The following LIMS1 variants were observed in gnomAD, a reference collection of about 807,000 sequenced individuals.
LIMS1 encodes LIM and senescent cell antigen-like-containing domain protein 1.
LIMS1 carries 18 observed loss-of-function variants against 44.1 expected under a neutral mutation model. That is an observed-to-expected ratio of 0.41 (90% confidence interval 0.28 to 0.61). The LOEUF (loss-of-function observed/expected upper bound fraction) is 0.61, where lower values mean the gene tolerates loss of function less well. LIMS1 is among the 20% of genes least tolerant of loss of function. The pLI, the probability that LIMS1 is intolerant of heterozygous loss-of-function variation, is 0.32. For synonymous variants in LIMS1, 93 were observed against 149.1 expected (o/e 0.62, Z 2.74); for missense variants, 201 against 422.0 (o/e 0.48, Z 4.59).
intron 1 of LIMS1, among the ~76,000 whole-genome samples, chr2:108,578,166 C>A (rs530143432): frequency 6.6e-6 from 1 of 152,214 alleles, no homozygotes; most frequent in African/African-American, 2.4e-5. Flanking sequence ...GCCTTGGCCT[C>A]CCAAAGTGCT....
At chr2:108,637,584 G>A (rs918451018) in intron 1 of LIMS1, among the ~76,000 whole-genome samples, 12 of 152,192 alleles carry the variant, frequency 7.9e-5, no homozygotes, top group South Asian at 2.1e-4. Flanking sequence ...TGATCTGGGC[G>A]TTCTCCTAAG....
chr2:108,569,909 G>GT (rs1443641334), intron 1 of LIMS1, among the ~76,000 whole-genome samples: 1 of 151,624 alleles, frequency 6.6e-6, no homozygotes, highest in Non-Finnish European at 1.5e-5. Flanking sequence ...CCATCATGCT[G>GT]TTTTTTAAGG....
intron 2 of LIMS1, among the ~76,000 whole-genome samples, chr2:108,663,153 G>A (rs1233350771): frequency 2.6e-5 from 4 of 151,586 alleles, no homozygotes; most frequent in South Asian, 2.1e-4. Flanking sequence ...GGGTCTTACC[G>A]TGTTACCCAG....
At chr2:108,661,847 T>G (rs1053963758) in intron 2 of LIMS1, among the ~76,000 whole-genome samples, 1 of 152,168 alleles carries the variant, frequency 6.6e-6, no homozygotes, top group Non-Finnish European at 1.5e-5. Context: ...GAGCATGGTC[T>G]TCTCACTATA....
At chr2:108,637,099 A>ATGTATG (rs1553463996) in intron 1 of LIMS1, among the ~76,000 whole-genome samples, 3 of 98,528 alleles carry the variant, frequency 3.0e-5, no homozygotes, top group African/African-American at 9.7e-5. Flanking sequence ...ATATACATAT[A>ATGTATG]TGTGTGTGTG....
chr2:108,540,856 T>C (rs1261695841), intron 1 of LIMS1, among the ~76,000 whole-genome samples: 1 of 152,188 alleles, frequency 6.6e-6, no homozygotes, highest in Non-Finnish European at 1.5e-5. Context: ...CTATATTACG[T>C]TGGTTTGCTC....
chr2:108,602,522 A>G (rs772891444), intron 1 of LIMS1, among the ~76,000 whole-genome samples: 1 of 152,208 alleles, frequency 6.6e-6, no homozygotes, highest in East Asian at 1.9e-4. Flanking sequence ...ATTTTATCAA[A>G]TGCTTTTTTA....
chr2:108,610,180 GTGTGTGTGTGTGTGTAT>G (rs1687522068), intron 1 of LIMS1, among the ~76,000 whole-genome samples: 1 of 102,686 alleles, frequency 9.7e-6, no homozygotes, highest in Non-Finnish European at 2.2e-5. Flanking sequence ...GTGTGTGTGT[GTGTGTGTGTGTGTGTAT>G]TATTATAAAA....
intron 1 of LIMS1, among the ~76,000 whole-genome samples, chr2:108,590,573 A>T (rs906850093): frequency 5.3e-5 from 8 of 151,088 alleles, no homozygotes; most frequent in Non-Finnish European, 1.0e-4. Context: ...CTAACCAAAA[A>T]GAGCGGGGAA....
intron 1 of LIMS1, among the ~76,000 whole-genome samples, chr2:108,632,043 C>T (rs1346257230): frequency 6.6e-6 from 1 of 152,200 alleles, no homozygotes; most frequent in Non-Finnish European, 1.5e-5. Flanking sequence ...GCAATCTTGG[C>T]TCACTGTAAC....
intron 1 of LIMS1, among the ~76,000 whole-genome samples, chr2:108,584,691 G>A (rs1398187085): frequency 6.6e-6 from 1 of 152,134 alleles, no homozygotes; most frequent in Non-Finnish European, 1.5e-5. Context: ...CAGGTTTTCT[G>A]AGTTGTTTGA....
intron 9 of LIMS1, among the ~76,000 whole-genome samples, chr2:108,683,642 G>A (rs908489814): frequency 8.6e-5 from 13 of 151,180 alleles, no homozygotes; most frequent in African/African-American, 2.9e-4. Flanking sequence ...TCTACAGTCT[G>A]TGTTACACAG....
intron 1 of LIMS1, among the ~76,000 whole-genome samples, chr2:108,536,830 G>C (rs1030064407): frequency 6.6e-6 from 1 of 152,106 alleles, no homozygotes; most frequent in African/African-American, 2.4e-5. Flanking sequence ...GGTTCCAGCA[G>C]TCCACCCACC....
At chr2:108,565,392 CTT>C (rs1266696288) in intron 1 of LIMS1, among the ~76,000 whole-genome samples, 4 of 152,100 alleles carry the variant, frequency 2.6e-5, no homozygotes, top group African/African-American at 9.7e-5. Flanking sequence ...TTAAGTAACT[CTT>C]TTCTATCTTA....
rs1353344977 is a variant in LIMS1, at chr2:108,681,297, A to G, written c.899+527A>G. ...TCCTATGTAGAACTGGTCCTTTTGC[A>G]TAACTGCTAAAATTACAAAAATTAA... is the stretch of plus-strand genomic sequence containing the variant. On this transcript the variant is annotated intron_variant, in intron 9 of 9. Coordinates refer to ENST00000544547, the Ensembl canonical transcript of LIMS1. The G allele has an allele frequency of 1.1e-5, 11 of 985,216 alleles. No homozygotes were observed. In the South Asian group the frequency reaches 4.2e-4, roughly 38 times the overall value. The allele number at this position is 985,216 out of a possible 1,614,324, so 61.0% of individuals were successfully genotyped here. A position where few individuals can be genotyped will look rare whatever the true frequency, so the allele number is the denominator to read the frequency against.
chr2:108,639,486 T>A (rs1363572831), intron 1 of LIMS1, among the ~76,000 whole-genome samples: 1 of 152,240 alleles, frequency 6.6e-6, no homozygotes, highest in Non-Finnish European at 1.5e-5. Flanking sequence ...TAAGTCTCGC[T>A]CTATCGCCCA....
intron 2 of LIMS1, among the ~76,000 whole-genome samples, chr2:108,664,297 G>A (rs1295672280): frequency 1.3e-5 from 2 of 152,180 alleles, no homozygotes; most frequent in African/African-American, 4.8e-5. Flanking sequence ...CTGGTTTCCG[G>A]TTCTGAGCTT....
chr2:108,666,301 G>A (rs1390578360), intron 2 of LIMS1, among the ~76,000 whole-genome samples: 1 of 150,226 alleles, frequency 6.7e-6, no homozygotes, highest in African/African-American at 2.5e-5. Context: ...ACTTTTACTG[G>A]TTTATTATTA....
chr2:108,543,098 T>C (rs1257351902), intron 1 of LIMS1, among the ~76,000 whole-genome samples: 1 of 152,230 alleles, frequency 6.6e-6, no homozygotes, highest in Non-Finnish European at 1.5e-5. Flanking sequence ...ATTGTAGCTT[T>C]GTGTGTACAA....
Sources: gnomAD v4.1 joint callset for allele counts (sites outside exome capture counted in the v4.1 genomes callset) on GRCh38, gnomAD v4.1.1 for gene constraint, MANE v1.5 for transcripts, NCBI Gene and HGNC (gene_info 2026-07-23, HGNC 2026-07-21) for gene names.